The following CSMD1 variants were observed in gnomAD, a reference collection of about 807,000 sequenced individuals.
CSMD1 encodes the protein CUB and sushi domain-containing protein 1.
A neutral mutation model predicts 417.5 loss-of-function variants in CSMD1; 213 were observed. The observed-to-expected ratio is 0.51, with a 90% CI of 0.46 to 0.57. The LOEUF (loss-of-function observed/expected upper bound fraction) is 0.57. CSMD1 is among the 20% of genes least tolerant of loss of function. The pLI, the probability that CSMD1 is intolerant of heterozygous loss-of-function variation, is 0.00. For synonymous variants in CSMD1, 2,862 were observed against 1,736.8 expected, an observed-to-expected ratio of 1.65 and a Z score of -16.11; for missense variants, 6,923 against 4,529.7, an observed-to-expected ratio of 1.53 and a Z score of -15.17.
chr8:3,299,047 T>C (rs563419015), intron 25 of CSMD1, among the ~76,000 whole-genome samples: 2 of 152,266 alleles, frequency 1.3e-5, no homozygotes, highest in Admixed American at 1.3e-4. Flanking sequence ...ACAAAAAATA[T>C]GATACAACAA....
At chr8:3,528,042 C>T (rs1797826446) in intron 10 of CSMD1, among the ~76,000 whole-genome samples, 1 of 152,100 alleles carries the variant, frequency 6.6e-6, no homozygotes, top group African/African-American at 2.4e-5. Flanking sequence ...TGCCATTTGT[C>T]CCCTGGGTGG....
intron 5 of CSMD1, among the ~76,000 whole-genome samples, chr8:3,931,655 G>C (rs11778737): frequency 0.35 from 52,712 of 148,794 alleles, 11,004 homozygotes; most frequent in African/African-American, 0.43. Flanking sequence ...TTTTCACCTT[G>C]TATAGTTCTA....
intron 3 of CSMD1, among the ~76,000 whole-genome samples, chr8:4,229,847 C>T (rs564239507): frequency 2.2e-4 from 34 of 152,288 alleles, no homozygotes; most frequent in Middle Eastern, 3.4e-3. Context: ...GGGATTTTAT[C>T]GCTTTGGTCT....
chr8:4,124,840 C>T (rs540559905), intron 3 of CSMD1, among the ~76,000 whole-genome samples: 3 of 152,024 alleles, frequency 2.0e-5, no homozygotes, highest in African/African-American at 4.8e-5. Flanking sequence ...AACCCACAAG[C>T]AGATACAAAA....
intron 4 of CSMD1, 44 bp downstream of exon 4, chr8:4,031,861 C>A: frequency 6.9e-7 from 1 of 1,444,416 alleles, no homozygotes; most frequent in South Asian, 1.4e-5. Flanking sequence ...AAAACCATTG[C>A]CCTGCCCTGG....
chr8:3,561,990 C>T (rs78896975), intron 10 of CSMD1, among the ~76,000 whole-genome samples: 3 of 151,718 alleles, frequency 2.0e-5, no homozygotes, highest in Admixed American at 6.6e-5. Flanking sequence ...TTATCTGCTA[C>T]GTCAGAAACT....
intron 3 of CSMD1, among the ~76,000 whole-genome samples, chr8:4,185,215 G>C (rs541441544): frequency 3.8e-4 from 58 of 151,586 alleles, no homozygotes; most frequent in Admixed American, 9.2e-4. Flanking sequence ...ATGAGTACAG[G>C]CTGGGAACCT....
At chr8:4,475,981 C>A (rs1317445637) in intron 2 of CSMD1, among the ~76,000 whole-genome samples, 1 of 152,012 alleles carries the variant, frequency 6.6e-6, no homozygotes, top group African/African-American at 2.4e-5. Context: ...TGTTTATTTG[C>A]ACAGTCATAT....
chr8:4,272,110 G>GGGGT (rs1563368116), intron 3 of CSMD1, among the ~76,000 whole-genome samples: 1 of 152,080 alleles, frequency 6.6e-6, no homozygotes, highest in Non-Finnish European at 1.5e-5. Context: ...ACACCTGTCA[G>GGGGT]GGGTGTGTGT....
chr8:4,296,170 G>GT (rs1397064309), intron 3 of CSMD1, among the ~76,000 whole-genome samples: 2 of 152,064 alleles, frequency 1.3e-5, no homozygotes, highest in Non-Finnish European at 2.9e-5. Flanking sequence ...TATGCTCAGG[G>GT]TCTCCCTCCT....
intron 3 of CSMD1, among the ~76,000 whole-genome samples, chr8:4,037,499 T>C (rs1797681060): frequency 6.6e-6 from 1 of 152,220 alleles, no homozygotes; most frequent in South Asian, 2.1e-4. Context: ...TTCTTTACCT[T>C]AACATCTTGA....
At chr8:4,924,913 G>C (rs554665850) in intron 1 of CSMD1, among the ~76,000 whole-genome samples, 6 of 152,164 alleles carry the variant, frequency 3.9e-5, no homozygotes, top group African/African-American at 1.4e-4. Context: ...CCCAAATCTT[G>C]TCTCTTCAAA....
intron 20 of CSMD1, among the ~76,000 whole-genome samples, chr8:3,365,823 C>G (rs181771472): frequency 6.6e-4 from 101 of 152,292 alleles, no homozygotes; most frequent in Middle Eastern, 3.4e-3. Context: ...TTGAATAATA[C>G]AAGGATTAGG....
chr8:3,681,035 A>G (rs1799634110), intron 7 of CSMD1, among the ~76,000 whole-genome samples: 2 of 152,210 alleles, frequency 1.3e-5, no homozygotes, highest in South Asian at 4.1e-4. Context: ...GATGGGACGT[A>G]TCTCAAACTA....
At chr8:4,301,689 T>C (rs1365493966) in intron 3 of CSMD1, among the ~76,000 whole-genome samples, 4 of 152,236 alleles carry the variant, frequency 2.6e-5, no homozygotes, top group African/African-American at 9.6e-5. Flanking sequence ...GACCAGATTA[T>C]TATTTTTCTT....
intron 2 of CSMD1, among the ~76,000 whole-genome samples, chr8:4,520,646 C>G (rs974753261): frequency 3.3e-5 from 5 of 152,192 alleles, no homozygotes; most frequent in Admixed American, 2.0e-4. Flanking sequence ...TTTCCCCCTA[C>G]TAGCAATGAT....
intron 2 of CSMD1, among the ~76,000 whole-genome samples, chr8:4,569,880 A>G (rs538647980): frequency 6.6e-6 from 1 of 152,146 alleles, no homozygotes; most frequent in East Asian, 1.9e-4. Context: ...TTGTATTCCT[A>G]GATATTTTAT....
chr8:2,956,433 ATTTTATTTATTTAT>A (rs1186748123), intron 63 of CSMD1, among the ~76,000 whole-genome samples: 5 of 151,798 alleles, frequency 3.3e-5, no homozygotes, highest in Admixed American at 6.6e-5. Flanking sequence ...CAAGTTTACA[ATTTTATTTATTTAT>A]TTTTATTTAT....
At chr8:4,150,489 A>T (rs1171337642) in intron 3 of CSMD1, among the ~76,000 whole-genome samples, 1 of 152,184 alleles carries the variant, frequency 6.6e-6, no homozygotes, top group East Asian at 1.9e-4. Flanking sequence ...ATTTTTCACA[A>T]CAGAGATATC....
Sources: allele counts gnomAD v4.1 joint callset (sites outside exome capture counted in the v4.1 genomes callset), GRCh38; gene constraint gnomAD v4.1.1; transcripts MANE v1.5; gene names NCBI Gene and HGNC (gene_info 2026-07-23, HGNC 2026-07-21).